The following CCDC148 variants were observed in gnomAD, a reference collection of about 807,000 sequenced individuals.
The protein encoded by CCDC148 is coiled-coil domain-containing protein 148.
In CCDC148, 89 loss-of-function variants were observed where a neutral mutation model predicts 85.7. The ratio of observed to expected loss-of-function variants is 1.04; its 90% confidence interval spans 0.87 to 1.24. CCDC148 has a LOEUF of 1.24. CCDC148 is among the 50% of genes most tolerant of loss of function. CCDC148 has a pLI of 0.00. For missense variants in CCDC148, 692 were observed against 671.7 expected (o/e 1.03, Z -0.33); for synonymous variants, 230 against 213.9 (o/e 1.08, Z -0.66).
At position 158,339,010 on chromosome 2, in the gene CCDC148, G is replaced by T. The variant is rs1222031092; in HGVS notation, c.562C>A (p.Leu188Ile). ...RLEQQRIEND[L>I]SDWSIKILDH... ...CTTACCTTTATACTCCAGTCTGAAA[G>T]ATCATTTTCTATTCTCTGTTGCTCC... The change falls in exon 6 of 14, where the codon CTT (leucine) becomes ATT (isoleucine). Residue 188 changes from leucine to isoleucine, a missense_variant. Transcript: ENST00000283233. The T allele has an allele frequency of 6.2e-7, 1 of 1,613,452 alleles. No homozygotes were observed. The highest frequency in any genetic ancestry group is 8.5e-7 in the Non-Finnish European group (1 of 1,179,630).
At chr2:158,345,797 T>C (rs1441650551) in intron 2 of CCDC148, among the ~76,000 whole-genome samples, 1 of 152,296 alleles carries the variant, frequency 6.6e-6, no homozygotes, top group Non-Finnish European at 1.5e-5. Context: ...AGAACCTTGA[T>C]GTTTAGATTG....
chr2:158,201,295 A>G (rs1685941340), intron 11 of CCDC148, among the ~76,000 whole-genome samples: 1 of 152,176 alleles, frequency 6.6e-6, no homozygotes, highest in Admixed American at 6.6e-5. Flanking sequence ...AAGTCTCAAT[A>G]CCAGTGTTAC....
chr2:158,419,824 G>A (rs1686684809), intron 1 of CCDC148: 2 of 152,136 alleles, frequency 1.3e-5, no homozygotes, highest in South Asian at 2.1e-4. Context: ...AATCTATACA[G>A]TTGAAAGCTG....
intron 9 of CCDC148, among the ~76,000 whole-genome samples, chr2:158,298,037 C>T (rs1006849846): frequency 5.9e-5 from 9 of 152,234 alleles, no homozygotes; most frequent in South Asian, 2.1e-4. Flanking sequence ...ACAGTCATGG[C>T]GGAAGGGTAA....
At chr2:158,435,138 T>C (rs1687577824) in intron 1 of CCDC148, among the ~76,000 whole-genome samples, 1 of 152,070 alleles carries the variant, frequency 6.6e-6, no homozygotes, top group Non-Finnish European at 1.5e-5. Context: ...GCCACAAAGA[T>C]ACTCCTCGAG....
intron 9 of CCDC148, among the ~76,000 whole-genome samples, chr2:158,276,274 T>C (rs1201798415): frequency 2.0e-5 from 3 of 151,922 alleles, no homozygotes; most frequent in South Asian, 2.1e-4. Context: ...CTACTAAAAA[T>C]ACAAAAAAAT....
intron 9 of CCDC148, among the ~76,000 whole-genome samples, chr2:158,268,375 A>G (rs528264747): frequency 4.6e-5 from 7 of 152,236 alleles, no homozygotes; most frequent in African/African-American, 1.7e-4. Context: ...CTCCTTCACT[A>G]TTCTTTATTA....
At chr2:158,384,327 T>C (rs563940181) in intron 1 of CCDC148, among the ~76,000 whole-genome samples, 1 of 152,302 alleles carries the variant, frequency 6.6e-6, no homozygotes, top group African/African-American at 2.4e-5. Flanking sequence ...TATTCAATGG[T>C]GATACAGTTT....
At position 158,351,590 on chromosome 2, in the gene CCDC148, T is replaced by C. The variant is rs1034449315; in HGVS notation, c.148-6272A>G. Among the ~76,000 whole-genome samples the C allele has an allele frequency of 4.5e-3, 680 of 151,260 alleles. 2 individuals are homozygous for C. Among genetic ancestry groups the C allele is most frequent in the African/African-American group, 0.015 (600 of 41,016 alleles). ...GGAGGGTCCTATGCCCACGGAGTCT[T>C]GCTGATTGCTAGCACAGCAGTCTGA... is the stretch of plus-strand genomic sequence containing the variant. On this transcript the variant is annotated intron_variant, in intron 2 of 13. Transcript: ENST00000283233.
chr2:158,191,991 T>G (rs560586013), intron 11 of CCDC148, among the ~76,000 whole-genome samples: 7 of 152,050 alleles, frequency 4.6e-5, no homozygotes, highest in Non-Finnish European at 1.0e-4. Context: ...GAGAGAGATG[T>G]GTTGCTTTCA....
rs952932529 is a variant in CCDC148 at position 158,366,094 on chromosome 2, G to T, written c.26-7524C>A. On this transcript the variant is annotated intron_variant, in intron 1 of 13. Transcript: ENST00000283233. ...TTCCGTATCTGTTAAGGAAACGAGAGAACTAAAATTTCATAATATTATTTT... is the reference window on the plus strand; with the variant it reads ...TTCCGTATCTGTTAAGGAAACGAGATAACTAAAATTTCATAATATTATTTT... 3 of 1,467,208 alleles carry T rather than the reference G, an allele frequency of 2.0e-6. No individual in the cohort carries two copies. The African/African-American group carries it at 4.3e-5, about 21-fold the overall frequency. 90.9% of individuals were successfully genotyped at this position (1,467,208 alleles called of 1,614,324 possible).
chr2:158,429,386 T>C (rs567699942), intron 1 of CCDC148, among the ~76,000 whole-genome samples: 11 of 151,882 alleles, frequency 7.2e-5, no homozygotes, highest in Admixed American at 3.3e-4. Flanking sequence ...GATAGATAGA[T>C]AGATAGATAG....
chr2:158,340,800 T>C (rs965153026), intron 3 of CCDC148, 120 bp from the exon 4 acceptor site: 1 of 638,824 alleles, frequency 1.6e-6, no homozygotes, highest in Non-Finnish European at 2.7e-6. Context: ...TTAAACCATG[T>C]ACTAAATTCC....
At chr2:158,185,632 G>A (rs1685118261) in intron 11 of CCDC148, among the ~76,000 whole-genome samples, 1 of 152,122 alleles carries the variant, frequency 6.6e-6, no homozygotes, top group African/African-American at 2.4e-5. Flanking sequence ...AGGAGGACAA[G>A]CTGTGAAGAG....
chr2:158,190,656 TA>T (rs1182502410), intron 11 of CCDC148, among the ~76,000 whole-genome samples: 1 of 152,060 alleles, frequency 6.6e-6, no homozygotes, highest in Non-Finnish European at 1.5e-5. Flanking sequence ...GTATTGCATT[TA>T]AAAAATCTTC....
Position 158,339,246 on chromosome 2 carries a change from A to G in CCDC148, c.487-161T>C, listed in dbSNP as rs76787459. Among the ~76,000 whole-genome samples, 407 of 152,326 alleles carry G rather than the reference A, an allele frequency of 2.7e-3. 3 individuals carry two copies. Among genetic ancestry groups the G allele is most frequent in the African/African-American group, 9.1e-3 (380 of 41,582 alleles). ...GCCAGCCAGGTAGGCAGTGCTCATC[A>G]GACAAATGAGCTGTGATAAGGCTTC... On this transcript the variant is annotated intron_variant, in intron 5 of 13. Transcript: ENST00000283233.
At chr2:158,238,804 G>A (rs1440622666) in intron 10 of CCDC148, among the ~76,000 whole-genome samples, 3 of 152,146 alleles carry the variant, frequency 2.0e-5, no homozygotes, top group Non-Finnish European at 4.4e-5. Flanking sequence ...CAGGACCAAA[G>A]CCATTAAAGC....
intron 1 of CCDC148, among the ~76,000 whole-genome samples, chr2:158,401,426 T>C (rs2602181): frequency 0.89 from 135,141 of 152,162 alleles, 60,781 homozygotes; most frequent in Non-Finnish European, 0.96. Context: ...TGGAAACCAT[T>C]ATTCTCAGCA....
chr2:158,282,472 C>T (rs983102887), intron 9 of CCDC148, among the ~76,000 whole-genome samples: 4 of 152,058 alleles, frequency 2.6e-5, no homozygotes, highest in Non-Finnish European at 5.9e-5. Flanking sequence ...CAAGCATTCC[C>T]ATACACCAAT....
Sources: allele counts gnomAD v4.1 joint callset (sites outside exome capture counted in the v4.1 genomes callset), GRCh38; gene constraint gnomAD v4.1.1; transcripts MANE v1.5; gene names NCBI Gene and HGNC (gene_info 2026-07-23, HGNC 2026-07-21).